OMA1: variants seen among roughly 807,000 people sequenced by gnomAD.
OMA1 encodes the protein OMA1 zinc metallopeptidase.
In OMA1, 38 loss-of-function variants were observed where a neutral mutation model predicts 30.9. The ratio of observed to expected loss-of-function variants is 1.23; its 90% CI spans 0.95 to 1.61. The LOEUF is 1.61. OMA1 is among the 40% of genes most tolerant of loss of function. The pLI is 0.00. For synonymous variants in OMA1, 173 were observed against 121.9 expected, an observed-to-expected ratio of 1.42 and a Z score of -2.76; for missense variants, 461 against 349.2, an observed-to-expected ratio of 1.32 and a Z score of -2.55.
chr1:58,517,984 C>A (rs951611084), intron 7 of OMA1, among the ~76,000 whole-genome samples: 2 of 151,084 alleles, frequency 1.3e-5, no homozygotes, highest in Non-Finnish European at 2.9e-5. Flanking sequence ...GTTGGGAGTT[C>A]GAGACCAGCC....
intron 7 of OMA1, among the ~76,000 whole-genome samples, chr1:58,516,945 T>A (rs987462490): frequency 2.0e-5 from 3 of 152,058 alleles, no homozygotes; most frequent in Non-Finnish European, 4.4e-5. Context: ...GAAGGTTGCC[T>A]AGGAAGGAGA....
Position 58,480,891 on chromosome 1 carries a change from A to T in OMA1, c.*74T>A, listed in dbSNP as rs1368920078. The T allele has an allele frequency of 1.9e-5, 14 of 729,782 alleles. No individual in the cohort carries two copies. The highest frequency in any genetic ancestry group is 3.0e-5 in the Non-Finnish European group (13 of 436,420). 45.2% of individuals were successfully genotyped at this position (729,782 alleles called of 1,614,324 possible). A position where few individuals can be genotyped will look rare whatever the true frequency, so the allele number is the denominator to read the frequency against. On this transcript the variant is annotated 3_prime_UTR_variant, in exon 9 of 9. Transcript: ENST00000371226. ...CCTTTTTTTTTTCACTTCAAACATCATTTTTTAAAAAGTAACATAAAATGA... is the reference window on the plus strand; with the variant it reads ...CCTTTTTTTTTTCACTTCAAACATCTTTTTTTAAAAAGTAACATAAAATGA...
At chr1:58,521,008 T>C (rs61781792) in intron 7 of OMA1, among the ~76,000 whole-genome samples, 17,698 of 152,230 alleles carry the variant, frequency 0.12, 1,225 homozygotes, top group African/African-American at 0.18. Context: ...CACTTTCAAG[T>C]GCACGTCATT....
intron 5 of OMA1, among the ~76,000 whole-genome samples, chr1:58,532,187 A>G (rs2100477588): frequency 6.6e-6 from 1 of 152,368 alleles, no homozygotes; most frequent in South Asian, 2.1e-4. Context: ...AGATAAAATC[A>G]AAACTGAGAC....
At chr1:58,542,468 T>C (rs1229645914) in intron 1 of OMA1, 1 of 152,182 alleles carries the variant, frequency 6.6e-6, no homozygotes, top group African/African-American at 2.4e-5. Flanking sequence ...AATTCAGTTA[T>C]TAAATACTAC....
chr1:58,539,279 C>T lies in OMA1; in HGVS notation c.16G>A (p.Gly6Arg), dbSNP rs1646566060. Reference protein sequence around the residue: MSFICGLQSAARNHVF... With the variant: MSFICRLQSAARNHVF... ...TGGTTTCTAGCAGCAGACTGCAATC[C>T]ACAGATGAAGCTCATTTTTTCACTT... Residue 6 changes from glycine to arginine, a missense_variant, in exon 2 of 9, where the codon GGA becomes AGA. Transcript: ENST00000371226. 1.2e-6 allele frequency: 1 copy of T among 843,030 alleles called. No individual in the cohort carries two copies. Among genetic ancestry groups the T allele is most frequent in the Non-Finnish European group, 2.0e-6 (1 of 492,276 alleles). The allele number at this position is 843,030 out of a possible 1,614,324, so 52.2% of individuals were successfully genotyped here. A position where few individuals can be genotyped will look rare whatever the true frequency, so the allele number is the denominator to read the frequency against.
At chr1:58,513,412 A>ATTAGTTGACT (rs1363647518) in intron 7 of OMA1, among the ~76,000 whole-genome samples, 18 of 152,270 alleles carry the variant, frequency 1.2e-4, no homozygotes, top group African/African-American at 4.3e-4. Context: ...TACAGCAACT[A>ATTAGTTGACT]ATTCAGTCTA....
rs538804246 is a variant in OMA1, at chr1:58,525,533, C to CA, written c.1215+1727dup. Among the ~76,000 whole-genome samples, 23 of 152,014 alleles carry CA rather than the reference C, an allele frequency of 1.5e-4. No individual in the cohort carries two copies. The South Asian group carries it at 3.3e-3, about 22-fold the overall frequency. Reference sequence around the variant, plus strand: ...ACAAAAGATGTGTAATTCCTACATACAAAAAAATTTCAAAACATCGAGAAA... The same window carrying CA: ...ACAAAAGATGTGTAATTCCTACATACAAAAAAAATTTCAAAACATCGAGAAA... On this transcript the variant is annotated intron_variant, in intron 7 of 8. Coordinates refer to ENST00000371226, the MANE Select transcript of OMA1 (RefSeq NM_145243.5).
chr1:58,511,553 T>C (rs973355890), intron 7 of OMA1, among the ~76,000 whole-genome samples: 1 of 151,880 alleles, frequency 6.6e-6, no homozygotes, highest in African/African-American at 2.4e-5. Context: ...CACCTGAGCC[T>C]GGGAAGTCGA....
rs193132404 is a variant in OMA1 at position 58,529,296 on chromosome 1, A to G, written c.1140+1305T>C. Among the ~76,000 whole-genome samples, 1,386 of 152,280 alleles carry G rather than the reference A, an allele frequency of 9.1e-3. 5 individuals are homozygous for G. Among genetic ancestry groups the G allele is most frequent in the South Asian group, 0.013 (62 of 4,824 alleles). ...CTGATGGGAACTCCACAAATCATTAAATAAACAAATAACAGATTGTTCCTA... is the reference window on the plus strand; with the variant it reads ...CTGATGGGAACTCCACAAATCATTAGATAAACAAATAACAGATTGTTCCTA... On this transcript the variant is annotated intron_variant, in intron 6 of 8. Coordinates refer to ENST00000371226, the MANE Select transcript of OMA1 (RefSeq NM_145243.5).
rs141762304 is a variant in OMA1 at position 58,515,703 on chromosome 1, C to T, written c.1216-9494G>A. On this transcript the variant is annotated intron_variant, in intron 7 of 8. Transcript: ENST00000371226. Reference sequence around the variant, plus strand: ...ACCTAAAACAGTAACCCAAATAAAACGCAAAGATACTTTGCTGTGATGAAA... The same window carrying T: ...ACCTAAAACAGTAACCCAAATAAAATGCAAAGATACTTTGCTGTGATGAAA... Among the ~76,000 whole-genome samples, 9 of 152,182 alleles carry T rather than the reference C, an allele frequency of 5.9e-5. 1 individual carries two copies. The highest frequency in any genetic ancestry group is 1.3e-4 in the Admixed American group (2 of 15,280).
intron 7 of OMA1, among the ~76,000 whole-genome samples, chr1:58,523,217 T>C (rs1646294622): frequency 6.6e-6 from 1 of 152,194 alleles, no homozygotes; most frequent in Admixed American, 6.5e-5. Context: ...AACCCTTCAC[T>C]CCCCACCTTT....
chr1:58,534,223 T>A lies in OMA1; in HGVS notation c.838A>T (p.Ile280Phe). ...TGAATAACCCAATTGATCTGAGAGA[T>A]CCCTGGAACATCTTTATTGCATTCA... ...LIECNKDVPG[I>F]SQINWVIHVV... Residue 280 changes from isoleucine to phenylalanine, a missense_variant, in exon 4 of 9, where the codon ATC becomes TTC. Coordinates refer to ENST00000371226, the MANE Select transcript of OMA1 (RefSeq NM_145243.5). 1 of 871,990 alleles carries A rather than the reference T, an allele frequency of 1.1e-6. No individual in the cohort carries two copies. The highest frequency in any genetic ancestry group is 2.0e-6 in the Non-Finnish European group (1 of 501,498). The allele number at this position is 871,990 out of a possible 1,614,324, so 54.0% of individuals were successfully genotyped here. A position where few individuals can be genotyped will look rare whatever the true frequency, so the allele number is the denominator to read the frequency against.
intron 8 of OMA1, among the ~76,000 whole-genome samples, chr1:58,501,660 C>G (rs538144160): frequency 4.6e-5 from 7 of 152,272 alleles, no homozygotes; most frequent in African/African-American, 1.7e-4. Context: ...TCAATGAAAC[C>G]TTCTTTGACT....
chr1:58,518,475 C>A (rs1646208379), intron 7 of OMA1, among the ~76,000 whole-genome samples: 2 of 151,666 alleles, frequency 1.3e-5, no homozygotes, highest in African/African-American at 4.8e-5. Flanking sequence ...GGGAGTAGGA[C>A]TGGAGTCAAT....
chr1:58,535,794 A>G (rs1190729560), intron 3 of OMA1, among the ~76,000 whole-genome samples: 1 of 152,154 alleles, frequency 6.6e-6, no homozygotes, highest in Non-Finnish European at 1.5e-5. Context: ...TATACTTTCC[A>G]AAGAGGTAAG....
chr1:58,491,071 T>C (rs1451682335), intron 8 of OMA1, among the ~76,000 whole-genome samples: 1 of 152,050 alleles, frequency 6.6e-6, no homozygotes, highest in Non-Finnish European at 1.5e-5. Flanking sequence ...CCTCCCAAAG[T>C]GCTGAGATTA....
At chr1:58,509,489 G>T in intron 7 of OMA1, among the ~76,000 whole-genome samples, 1 of 147,944 alleles carries the variant, frequency 6.8e-6, no homozygotes, top group Admixed American at 6.8e-5. Context: ...ATGGGATACA[G>T]CAAAGGCAGT....
chr1:58,529,159 T>G (rs1241556123), intron 6 of OMA1, among the ~76,000 whole-genome samples: 2 of 152,164 alleles, frequency 1.3e-5, no homozygotes, highest in African/African-American at 4.8e-5. Flanking sequence ...TCAATATAAA[T>G]GAAGCCAAAT....
Sources: gnomAD v4.1 joint callset for allele counts (sites outside exome capture counted in the v4.1 genomes callset) on GRCh38, gnomAD v4.1.1 for gene constraint, MANE v1.5 for transcripts, NCBI Gene and HGNC (gene_info 2026-07-23, HGNC 2026-07-21) for gene names.